The following NRXN1 variants were observed in gnomAD, a reference collection of about 807,000 sequenced individuals.
The protein encoded by NRXN1 is neurexin-1.
In NRXN1, 39 loss-of-function variants were observed where a neutral mutation model predicts 150.9. The observed-to-expected ratio is 0.26, with a 90% CI of 0.20 to 0.34. The LOEUF (loss-of-function observed/expected upper bound fraction) is 0.34. Among genes scored for constraint, NRXN1 ranks in the 10% least tolerant of loss-of-function variants. The pLI is 1.00. For synonymous variants in NRXN1, 924 were observed against 757.0 expected (o/e 1.22, Z -3.62); for missense variants, 1,815 against 1,949.9 (o/e 0.93, Z 1.30).
intron 17 of NRXN1, among the ~76,000 whole-genome samples, chr2:50,445,814 A>G (rs1370031918): frequency 6.6e-6 from 1 of 152,134 alleles, no homozygotes; most frequent in African/African-American, 2.4e-5. Flanking sequence ...ATTTCTACCT[A>G]GGGATTGGAA....
chr2:50,642,440 TGAA>T (rs1346285800), intron 5 of NRXN1, among the ~76,000 whole-genome samples: 1 of 151,736 alleles, frequency 6.6e-6, no homozygotes, highest in Non-Finnish European at 1.5e-5. Context: ...TAAAAATGAG[TGAA>T]GGTTTTGAGG....
At chr2:50,772,542 C>A (rs1703138657) in intron 5 of NRXN1, among the ~76,000 whole-genome samples, 1 of 151,848 alleles carries the variant, frequency 6.6e-6, no homozygotes, top group African/African-American at 2.4e-5. Flanking sequence ...TCAGGAGCTC[C>A]TGTGATATAT....
intron 17 of NRXN1, among the ~76,000 whole-genome samples, chr2:50,331,244 G>A (rs756839815): frequency 6.6e-6 from 1 of 151,892 alleles, no homozygotes; most frequent in Non-Finnish European, 1.5e-5. Flanking sequence ...AAGCTTTCTT[G>A]GTCAAAGGAA....
chr2:50,370,429 C>T (rs922334609), intron 17 of NRXN1, among the ~76,000 whole-genome samples: 4 of 151,964 alleles, frequency 2.6e-5, no homozygotes, highest in African/African-American at 9.7e-5. Flanking sequence ...AGGCCTACCA[C>T]AGAACAGGTG....
chr2:50,308,393 TC>T (rs2074846615), intron 17 of NRXN1, among the ~76,000 whole-genome samples: 1 of 152,184 alleles, frequency 6.6e-6, no homozygotes, highest in African/African-American at 2.4e-5. Flanking sequence ...GCAGTGGTGC[TC>T]CTTGCTTACT....
intron 17 of NRXN1, among the ~76,000 whole-genome samples, chr2:50,251,627 A>G (rs534543165): frequency 6.6e-6 from 1 of 152,130 alleles, no homozygotes; most frequent in Non-Finnish European, 1.5e-5. Flanking sequence ...ACACTGGTTG[A>G]ACTAATTTAC....
chr2:50,800,701 C>T (rs930999835), intron 5 of NRXN1, among the ~76,000 whole-genome samples: 1 of 152,098 alleles, frequency 6.6e-6, no homozygotes, highest in African/African-American at 2.4e-5. Flanking sequence ...AGGCATGCAC[C>T]ACCACGCCTA....
chr2:50,674,840 ATAGAC>A (rs936410096), intron 5 of NRXN1, among the ~76,000 whole-genome samples: 6 of 152,140 alleles, frequency 3.9e-5, no homozygotes, highest in African/African-American at 1.4e-4. Flanking sequence ...TGAAATGAAA[ATAGAC>A]TAGCTATGGA....
intron 18 of NRXN1, among the ~76,000 whole-genome samples, chr2:50,160,241 T>C (rs1246967782): frequency 6.6e-6 from 1 of 152,018 alleles, no homozygotes; most frequent in East Asian, 1.9e-4. Flanking sequence ...AAATGACAAC[T>C]TAAAAAAAGG....
chr2:51,027,627 G>T lies in NRXN1; in HGVS notation c.647C>A (p.Pro216Gln). The change falls in exon 2 of 23, where the codon CCG (proline) becomes CAG (glutamine). Residue 216 changes from proline to glutamine, a missense_variant. This residue lies in a region of NRXN1 where 554 missense variants were observed against 478.8 expected (regional missense o/e 1.16). Transcript: ENST00000401669. ...CTCGCCCTCCTCGCCCGCCTCGCAC[G>T]GGCTTCCCCCGCCGCTGTTGGGCGG... is the stretch of plus-strand genomic sequence containing the variant. ...DEPPNSGGGSPCEAGEEGEGG... is the reference protein window; with the variant it reads ...DEPPNSGGGSQCEAGEEGEGG... 1 of 1,586,308 alleles carries T rather than the reference G, an allele frequency of 6.3e-7. No homozygotes were observed. Among genetic ancestry groups the T allele is most frequent in the Non-Finnish European group, 8.6e-7 (1 of 1,166,482 alleles).
At chr2:50,011,420 T>C (rs1685642775) in intron 21 of NRXN1, among the ~76,000 whole-genome samples, 1 of 152,108 alleles carries the variant, frequency 6.6e-6, no homozygotes, top group African/African-American at 2.4e-5. Flanking sequence ...AAAGACTACA[T>C]AGATACCCAT....
At chr2:50,924,659 A>T (rs1007508326) in intron 3 of NRXN1, among the ~76,000 whole-genome samples, 1 of 151,778 alleles carries the variant, frequency 6.6e-6, no homozygotes, top group South Asian at 2.1e-4. Flanking sequence ...AATTAAAATT[A>T]TAGTATACAA....
chr2:50,292,805 C>A (rs1462393494), intron 17 of NRXN1, among the ~76,000 whole-genome samples: 1 of 152,080 alleles, frequency 6.6e-6, no homozygotes, highest in Non-Finnish European at 1.5e-5. Flanking sequence ...TTTAAATTAT[C>A]TTTTAAACAA....
At chr2:50,188,356 T>G (rs2061223999) in intron 18 of NRXN1, among the ~76,000 whole-genome samples, 1 of 152,066 alleles carries the variant, frequency 6.6e-6, no homozygotes, top group African/African-American at 2.4e-5. Context: ...TCCTTATACC[T>G]TATACAAAAA....
At chr2:50,138,188 CAG>C (rs1706701275) in intron 18 of NRXN1, among the ~76,000 whole-genome samples, 1 of 152,186 alleles carries the variant, frequency 6.6e-6, no homozygotes, top group Admixed American at 6.5e-5. Flanking sequence ...ATGATCTTCT[CAG>C]AGTCTCATAC....
At chr2:50,563,220 C>T (rs961647322) in intron 8 of NRXN1, among the ~76,000 whole-genome samples, 2 of 152,016 alleles carry the variant, frequency 1.3e-5, no homozygotes, top group Admixed American at 6.6e-5. Flanking sequence ...TTAGAATAGC[C>T]CAAGGAAATT....
intron 5 of NRXN1, among the ~76,000 whole-genome samples, chr2:50,683,646 AATAT>A (rs71225142): frequency 2.7e-4 from 4 of 14,906 alleles, no homozygotes; most frequent in African/African-American, 1.1e-3. Context: ...AAAAAAAAAA[AATAT>A]ATATATATAT....
At chr2:50,707,320 A>C (rs1475577924) in intron 5 of NRXN1, among the ~76,000 whole-genome samples, 1 of 152,104 alleles carries the variant, frequency 6.6e-6, no homozygotes, top group African/African-American at 2.4e-5. Flanking sequence ...ACATTTACAA[A>C]ATTGCTTTTG....
At chr2:50,194,316 CAGA>C (rs1430277148) in intron 18 of NRXN1, among the ~76,000 whole-genome samples, 1 of 152,088 alleles carries the variant, frequency 6.6e-6, no homozygotes, top group Non-Finnish European at 1.5e-5. Flanking sequence ...AACAGCTAAA[CAGA>C]AGATTCTGGC....
Sources: gnomAD v4.1 joint callset for allele counts (sites outside exome capture counted in the v4.1 genomes callset) on GRCh38, gnomAD v4.1.1 for gene constraint, gnomAD v4.1.1 regional missense constraint, MANE v1.5 for transcripts, NCBI Gene and HGNC (gene_info 2026-07-23, HGNC 2026-07-21) for gene names.